Variants in KAZN observed in about 807,000 individuals in gnomAD.
KAZN encodes the protein kazrin, periplakin interacting protein, also known as kazrin.
In KAZN, 40 loss-of-function variants were observed where a neutral mutation model predicts 87.4. The ratio of observed to expected loss-of-function variants is 0.46; its 90% CI spans 0.36 to 0.60. The LOEUF (loss-of-function observed/expected upper bound fraction) is 0.60. KAZN is among the 20% of genes least tolerant of loss of function. KAZN has a pLI of 0.00. For missense variants in KAZN, 898 were observed against 1,073.9 expected (o/e 0.84, Z 2.29); for synonymous variants, 466 against 458.3 (o/e 1.02, Z -0.22).
chr1:14,581,118 A>T (rs937530887), intron 2 of KAZN, among the ~76,000 whole-genome samples: 1 of 151,990 alleles, frequency 6.6e-6, no homozygotes, highest in African/African-American at 2.4e-5. Context: ...TCATATTTCC[A>T]GCTCAAACCC....
At position 14,782,317 on chromosome 1, in the gene KAZN, C is replaced by T. The variant is rs114344421; in HGVS notation, c.227-178367C>T. On this transcript the variant is annotated intron_variant, in intron 1 of 14. Coordinates refer to ENST00000376030, the MANE Select transcript of KAZN (RefSeq NM_201628.3). ...ATCCTAGCACTTTGAGAGGCCGAGG[C>T]GGGTGAAATCACCTGAGGTCAGGAG... 4.7e-3 allele frequency among the ~76,000 whole-genome samples: 710 copies of T among 152,024 alleles called. 7 individuals carry two copies. Among genetic ancestry groups the T allele is most frequent in the African/African-American group, 0.016 (676 of 41,498 alleles).
At position 14,345,376 on chromosome 1, in the gene KAZN, T is replaced by C. The variant is rs1367913464; in HGVS notation, c.249+164784T>C. Among the ~76,000 whole-genome samples the C allele has an allele frequency of 8.6e-5, 12 of 138,970 alleles. No homozygotes were observed. In the Admixed American group the frequency reaches 9.0e-4, roughly 10 times the overall value. The allele number at this position is 138,970 out of a possible 152,430, so 91.2% of individuals were successfully genotyped here. A position where few individuals can be genotyped will look rare whatever the true frequency, so the allele number is the denominator to read the frequency against. On this transcript the variant is annotated intron_variant, in intron 2 of 16. Coordinates refer to the KAZN transcript ENST00000636203. ...AGAAGGTCAGAGAGACCTAAACATC[T>C]GCATTTCTGTTTGCTGGAAATGTCA...
At chr1:14,646,284 G>A (rs1182981420) in intron 1 of KAZN, among the ~76,000 whole-genome samples, 1 of 152,140 alleles carries the variant, frequency 6.6e-6, no homozygotes, top group Admixed American at 6.6e-5. Context: ...CGTGGCTCAT[G>A]CCTGTAATCC....
chr1:14,421,222 C>G (rs1665406256), intron 2 of KAZN, among the ~76,000 whole-genome samples: 1 of 152,126 alleles, frequency 6.6e-6, no homozygotes, highest in Admixed American at 6.5e-5. Context: ...GGAAGAGCTC[C>G]CAGTGAGTTT....
At chr1:14,840,422 G>A (rs1315129864) in intron 1 of KAZN, among the ~76,000 whole-genome samples, 1 of 152,164 alleles carries the variant, frequency 6.6e-6, no homozygotes, top group African/African-American at 2.4e-5. Context: ...GGGAATACAG[G>A]TGCAAGAAAG....
At chr1:14,541,350 T>G (rs1238080966) in intron 2 of KAZN, among the ~76,000 whole-genome samples, 1 of 152,232 alleles carries the variant, frequency 6.6e-6, no homozygotes, top group Non-Finnish European at 1.5e-5. Flanking sequence ...GATTTGTGGA[T>G]ATACAATAAG....
intron 1 of KAZN, among the ~76,000 whole-genome samples, chr1:14,732,966 C>A (rs1015545681): frequency 6.6e-6 from 1 of 152,090 alleles, no homozygotes; most frequent in Non-Finnish European, 1.5e-5. Flanking sequence ...ATCTTCCCTC[C>A]TTCCCCTATG....
intron 2 of KAZN, among the ~76,000 whole-genome samples, chr1:14,970,117 A>C (rs182893510): frequency 1.2e-3 from 184 of 152,330 alleles, no homozygotes; most frequent in Non-Finnish European, 1.6e-3. Flanking sequence ...CCTGGCCCAC[A>C]AGCACTTTTT....
chr1:14,111,941 T>C (rs1347531600), intron 1 of KAZN, among the ~76,000 whole-genome samples: 1 of 151,990 alleles, frequency 6.6e-6, no homozygotes, highest in African/African-American at 2.4e-5. Flanking sequence ...GCTTTCACCA[T>C]ATTGGTCAGG....
At chr1:14,895,417 T>C (rs1419303295) in intron 1 of KAZN, among the ~76,000 whole-genome samples, 3 of 152,186 alleles carry the variant, frequency 2.0e-5, no homozygotes, top group Admixed American at 1.3e-4. Context: ...AGCCGCCAGA[T>C]CAGCAGGCCC....
chr1:14,489,438 C>T (rs907349167), intron 2 of KAZN, among the ~76,000 whole-genome samples: 2 of 151,998 alleles, frequency 1.3e-5, no homozygotes, highest in Non-Finnish European at 2.9e-5. Context: ...AAATTGAATA[C>T]ACCGTTTTGG....
chr1:14,703,282 C>T (rs1328302014), intron 1 of KAZN, among the ~76,000 whole-genome samples: 1 of 152,202 alleles, frequency 6.6e-6, no homozygotes, highest in Admixed American at 6.5e-5. Flanking sequence ...ACCCAAATCT[C>T]ATCTTGAATT....
chr1:13,938,443 T>C (rs1358790885), intron 1 of KAZN, among the ~76,000 whole-genome samples: 1 of 152,190 alleles, frequency 6.6e-6, no homozygotes, highest in East Asian at 1.9e-4. Flanking sequence ...TAGGGTTTTC[T>C]AAGTGTAAGA....
At chr1:14,313,295 CT>C (rs1157919939) in intron 2 of KAZN, among the ~76,000 whole-genome samples, 1 of 152,112 alleles carries the variant, frequency 6.6e-6, no homozygotes, top group Non-Finnish European at 1.5e-5. Flanking sequence ...CTTGAACTCT[CT>C]GTAAATAGAA....
intron 1 of KAZN, among the ~76,000 whole-genome samples, chr1:14,936,769 A>G (rs2101613862): frequency 6.6e-6 from 1 of 152,264 alleles, no homozygotes; most frequent in South Asian, 2.1e-4. Context: ...GACTGAAACC[A>G]GAAAGGAAAG....
At chr1:14,220,342 C>T (rs144502554) in intron 2 of KAZN, among the ~76,000 whole-genome samples, 1 of 152,290 alleles carries the variant, frequency 6.6e-6, no homozygotes, top group African/African-American at 2.4e-5. Context: ...CGTGACCTTG[C>T]CAACCCAATT....
chr1:14,608,351 A>G (rs1677534015), intron 1 of KAZN, among the ~76,000 whole-genome samples: 1 of 152,250 alleles, frequency 6.6e-6, no homozygotes, highest in African/African-American at 2.4e-5. Flanking sequence ...CCTCATAGGT[A>G]TAACTGACAT....
rs1306555778 is a variant in KAZN at position 14,789,713 on chromosome 1, A to C, written c.227-170971A>C. Among the ~76,000 whole-genome samples the C allele has an allele frequency of 1.3e-4, 16 of 124,350 alleles. No homozygotes were observed. The Admixed American group carries it at 1.7e-3, about 13-fold the overall frequency. 81.6% of individuals were successfully genotyped at this position (124,350 alleles called of 152,430 possible). On this transcript the variant is annotated intron_variant, in intron 1 of 14. Coordinates refer to ENST00000376030, the MANE Select transcript of KAZN (RefSeq NM_201628.3). The stretch of plus-strand genomic sequence containing the variant: ...CTCAAGTCATCTGTCCTCTTATCTG[A>C]GTCCCCATTCTTACTCTGAAGGCAA...
At chr1:14,531,022 G>A (rs1672179710) in intron 2 of KAZN, among the ~76,000 whole-genome samples, 1 of 152,188 alleles carries the variant, frequency 6.6e-6, no homozygotes, top group African/African-American at 2.4e-5. Context: ...GCACCGAGCT[G>A]TGATCGCACC....
Sources: allele counts gnomAD v4.1 joint callset (sites outside exome capture counted in the v4.1 genomes callset), GRCh38; gene constraint gnomAD v4.1.1; transcripts MANE v1.5; gene names NCBI Gene and HGNC (gene_info 2026-07-23, HGNC 2026-07-21).